Variants in TLL1 observed in about 807,000 individuals in gnomAD.
TLL1 encodes tolloid-like protein 1.
In TLL1, 49 loss-of-function variants were observed where a neutral mutation model predicts 128.2. The ratio of observed to expected loss-of-function variants is 0.38; its 90% CI spans 0.30 to 0.48. TLL1 has a LOEUF of 0.48. Among genes scored for constraint, TLL1 ranks in the 20% least tolerant of loss-of-function variants. The pLI is 0.96. For missense variants in TLL1, 1,123 were observed against 1,242.0 expected (o/e 0.90, Z 1.44); for synonymous variants, 454 against 418.8 (o/e 1.08, Z -1.03).
intron 19 of TLL1, among the ~76,000 whole-genome samples, chr4:166,094,874 T>C (rs1467815456): frequency 6.6e-6 from 1 of 152,114 alleles, no homozygotes; most frequent in Non-Finnish European, 1.5e-5. Context: ...TTATTTTGCA[T>C]CTGCTTTGGA....
intron 14 of TLL1, 74 bp downstream of exon 14, chr4:166,057,383 C>T (rs1227966909): frequency 6.5e-6 from 10 of 1,545,074 alleles, no homozygotes; most frequent in Non-Finnish European, 8.7e-6. Flanking sequence ...CTCTGTCTGT[C>T]TTCCTCTTTC....
intron 6 of TLL1, among the ~76,000 whole-genome samples, chr4:166,004,028 G>A (rs1216020403): frequency 1.3e-5 from 2 of 152,036 alleles, no homozygotes; most frequent in African/African-American, 4.8e-5. Context: ...CCAGTGAAAT[G>A]AGTCATTTCC....
At chr4:165,882,707 C>A (rs1207645521) in intron 1 of TLL1, among the ~76,000 whole-genome samples, 2 of 152,082 alleles carry the variant, frequency 1.3e-5, no homozygotes, top group South Asian at 2.1e-4. Flanking sequence ...CAACCTCCGC[C>A]TCCCAGGTTC....
At chr4:166,044,662 C>T (rs1739384395) in intron 12 of TLL1, among the ~76,000 whole-genome samples, 1 of 151,920 alleles carries the variant, frequency 6.6e-6, no homozygotes, top group South Asian at 2.1e-4. Context: ...TTTGCAAATA[C>T]TGTTCAAATA....
chr4:166,089,313 C>T (rs1741658726), intron 18 of TLL1, among the ~76,000 whole-genome samples: 1 of 152,020 alleles, frequency 6.6e-6, no homozygotes, highest in African/African-American at 2.4e-5. Flanking sequence ...TATATATGTA[C>T]ACAATGGTAA....
intron 1 of TLL1, among the ~76,000 whole-genome samples, chr4:165,904,690 T>C (rs915409320): frequency 5.3e-5 from 8 of 152,224 alleles, no homozygotes; most frequent in African/African-American, 1.9e-4. Context: ...TATTTTCTAA[T>C]TTCACAAATT....
chr4:166,035,029 G>A (rs1334227473), intron 9 of TLL1, among the ~76,000 whole-genome samples: 2 of 152,164 alleles, frequency 1.3e-5, no homozygotes, highest in South Asian at 2.1e-4. Flanking sequence ...AGCCCTCCCG[G>A]CTTAATCAGC....
chr4:165,959,720 AAAC>A (rs1247016037), intron 1 of TLL1, among the ~76,000 whole-genome samples: 2 of 152,132 alleles, frequency 1.3e-5, no homozygotes, highest in Non-Finnish European at 2.9e-5. Flanking sequence ...CATGGAAATT[AAAC>A]AACTTGCTCC....
chr4:165,903,505 T>G (rs1375825376), intron 1 of TLL1, among the ~76,000 whole-genome samples: 2 of 146,274 alleles, frequency 1.4e-5, no homozygotes, highest in African/African-American at 5.1e-5. Context: ...CTGCGCCTCC[T>G]GGGTTCAAGC....
intron 15 of TLL1, among the ~76,000 whole-genome samples, chr4:166,063,906 T>C (rs1376518739): frequency 6.6e-6 from 1 of 151,944 alleles, no homozygotes; most frequent in East Asian, 1.9e-4. Context: ...AATGATGAGT[T>C]AATGGGTGCA....
At chr4:165,944,309 AC>A (rs1734145939) in intron 1 of TLL1, among the ~76,000 whole-genome samples, 1 of 152,154 alleles carries the variant, frequency 6.6e-6, no homozygotes, top group Admixed American at 6.6e-5. Context: ...AGTGATTAGC[AC>A]ATGATTTATA....
At chr4:166,042,192 A>T in intron 11 of TLL1, 49 bp downstream of exon 11, 1 of 1,226,062 alleles carries the variant, frequency 8.2e-7, no homozygotes, top group Non-Finnish European at 1.2e-6. Flanking sequence ...ATCTCAACAG[A>T]AATGTTCGTT....
chr4:165,897,247 A>G, intron 1 of TLL1, among the ~76,000 whole-genome samples: 1 of 152,062 alleles, frequency 6.6e-6, no homozygotes, highest in Non-Finnish European at 1.5e-5. Flanking sequence ...CCCATTTGTC[A>G]GTTTTGGCTT....
Position 166,091,308 on chromosome 4 carries a change from C to G in TLL1, c.2623C>G (p.Gln875Glu). The G allele has an allele frequency of 6.2e-7, 1 of 1,612,740 alleles. No individual in the cohort carries two copies. ...TCGGTTTGTTTCTGATGCATCTGTT[C>G]AAAGAAAAGGCTTTCAAGCTACACA... ...FVRFVSDASV[Q>E]RKGFQATHST... Residue 875 changes from glutamine to glutamate, a missense_variant, in exon 19 of 21, where the codon CAA (glutamine) becomes GAA (glutamate). Gln to Glu is a conservative substitution (Grantham distance 29). Coordinates refer to ENST00000061240, the MANE Select transcript of TLL1 (RefSeq NM_012464.5).
rs144544677 is a variant in TLL1 at position 165,908,983 on chromosome 4, G to A, written c.169+34910G>A. ...AGGCCGAGGCAGGCTGATCACTTGAGGTCAGGAGTTTGAGACCAACCTGGC... is the reference window on the plus strand; with the variant it reads ...AGGCCGAGGCAGGCTGATCACTTGAAGTCAGGAGTTTGAGACCAACCTGGC... On this transcript the variant is annotated intron_variant, in intron 1 of 20. Coordinates refer to ENST00000061240, the MANE Select transcript of TLL1 (RefSeq NM_012464.5). 2.4e-3 allele frequency among the ~76,000 whole-genome samples: 361 copies of A among 152,254 alleles called. 2 individuals are homozygous for A. The East Asian group carries it at 0.043, about 18-fold the overall frequency.
At chr4:166,085,917 A>G (rs1741492106) in intron 18 of TLL1, among the ~76,000 whole-genome samples, 1 of 152,106 alleles carries the variant, frequency 6.6e-6, no homozygotes, top group Non-Finnish European at 1.5e-5. Flanking sequence ...TTCTAATCCA[A>G]ATTGTTCTCT....
At chr4:165,911,589 A>C (rs1427709009) in intron 1 of TLL1, among the ~76,000 whole-genome samples, 2 of 152,190 alleles carry the variant, frequency 1.3e-5, no homozygotes, top group Non-Finnish European at 2.9e-5. Flanking sequence ...TTTGGTTTAC[A>C]AAGAGAGAAA....
In TLL1 at chr4:165,989,468, T is replaced by C. The variant is rs1208764967; in HGVS notation, c.257T>C (p.Phe86Ser). ...ACAATTGACCTTACGCAGAACCCCT[T>C]TGGAAACCTTGGACATACCACAGGT... is the stretch of plus-strand genomic sequence containing the variant. Reference protein sequence around the residue: ...DRTIDLTQNPFGNLGHTTGGL... With the variant: ...DRTIDLTQNPSGNLGHTTGGL... Residue 86 changes from phenylalanine to serine, a missense_variant, in exon 2 of 21, where the codon TTT becomes TCT. Around this residue, in one of 3 missense-constraint regions of TLL1, gnomAD observed 480 missense variants for 542.4 expected, o/e 0.89. Transcript: ENST00000061240. 6 of 1,612,516 alleles carry C rather than the reference T, an allele frequency of 3.7e-6. No homozygotes were observed. The highest frequency in any genetic ancestry group is 2.2e-5 in the East Asian group (1 of 44,770).
intron 1 of TLL1, among the ~76,000 whole-genome samples, chr4:165,886,295 G>A (rs749457574): frequency 5.1e-4 from 77 of 152,090 alleles, no homozygotes; most frequent in Non-Finnish European, 1.0e-3. Context: ...GTAATGTGGG[G>A]ATAGTGATCC....
Sources: gnomAD v4.1 joint callset for allele counts (sites outside exome capture counted in the v4.1 genomes callset) on GRCh38, gnomAD v4.1.1 for gene constraint, gnomAD v4.1.1 regional missense constraint, MANE v1.5 for transcripts, NCBI Gene and HGNC (gene_info 2026-07-23, HGNC 2026-07-21) for gene names.